SAXO1: variants seen among roughly 807,000 people sequenced by gnomAD.
SAXO1 encodes 4930500O09Rik.
SAXO1 carries 21 observed loss-of-function variants against 17.5 expected under a neutral mutation model. The observed-to-expected ratio is 1.20, with a 90% CI of 0.85 to 1.72. SAXO1 has a LOEUF of 1.72. SAXO1 is among the 40% of genes most tolerant of loss of function. SAXO1 has a pLI of 0.00. For missense variants in SAXO1, 843 were observed against 596.0 expected, an observed-to-expected ratio of 1.41 and a Z score of -4.32; for synonymous variants, 274 against 216.5, an observed-to-expected ratio of 1.27 and a Z score of -2.33.
intron 3 of SAXO1, among the ~76,000 whole-genome samples, chr9:18,931,355 C>A (rs900034869): frequency 8.5e-5 from 13 of 152,090 alleles, no homozygotes; most frequent in African/African-American, 3.1e-4. Context: ...AGTAGTTCAC[C>A]TTTTTATTGT....
At chr9:18,989,723 C>G (rs755049236) in intron 1 of SAXO1, among the ~76,000 whole-genome samples, 1 of 152,142 alleles carries the variant, frequency 6.6e-6, no homozygotes, top group Non-Finnish European at 1.5e-5. Context: ...GAAATAAAGT[C>G]TTTAATCTGA....
rs769355752 is a variant in SAXO1, at chr9:18,928,266, C to G, written c.1211G>C (p.Ser404Thr). The change falls in exon 4 of 4, where the codon AGC becomes ACC. Residue 404 changes from serine (S) to threonine (T), a missense_variant. Coordinates refer to ENST00000380534, the MANE Select transcript of SAXO1 (RefSeq NM_153707.4). ...AAAGCTGATGGTGTAGGTGGTCTGG[C>G]TTTCCACAGGGACATTTCCTCGAGG... The part of the protein sequence containing the change: ...SGPRGNVPVE[S>T]QTTYTISFTP... 2.5e-6 allele frequency: 4 copies of G among 1,612,988 alleles called. No homozygotes were observed. In the South Asian group the frequency reaches 4.4e-5, roughly 18 times the overall value.
At chr9:19,042,620 T>C (rs1413260813) in intron 1 of SAXO1, among the ~76,000 whole-genome samples, 1 of 152,066 alleles carries the variant, frequency 6.6e-6, no homozygotes, top group Non-Finnish European at 1.5e-5. Flanking sequence ...CCCAGCACTT[T>C]GGGAGGCCAA....
rs990708643 is a variant in SAXO1 at position 18,960,086 on chromosome 9, T to A, written c.39-9149A>T. ...AGCAAACGATATGTTCAGCGGCTAC[T>A]GGAGAGCACCTCATGGGCTCTTCCG... On this transcript the variant is annotated intron_variant, in intron 1 of 3. Coordinates refer to ENST00000380534, the MANE Select transcript of SAXO1 (RefSeq NM_153707.4). Among the ~76,000 whole-genome samples the A allele has an allele frequency of 8.8e-4, 134 of 152,220 alleles. 1 individual carries two copies. Among genetic ancestry groups the A allele is most frequent in the Non-Finnish European group, 1.6e-3 (110 of 68,030 alleles).
At chr9:19,000,448 C>T (rs1379415501) in intron 1 of SAXO1, among the ~76,000 whole-genome samples, 1 of 151,958 alleles carries the variant, frequency 6.6e-6, no homozygotes, top group East Asian at 1.9e-4. Context: ...TCTGCCAGGC[C>T]GCCCCACCGT....
At chr9:18,980,817 G>C (rs886379030) in intron 1 of SAXO1, among the ~76,000 whole-genome samples, 2 of 127,672 alleles carry the variant, frequency 1.6e-5, no homozygotes, top group Admixed American at 7.7e-5. Flanking sequence ...AAGCACAGAA[G>C]GGTATAAGGA....
intron 1 of SAXO1, among the ~76,000 whole-genome samples, chr9:19,040,813 G>A (rs1836061821): frequency 6.6e-6 from 1 of 152,092 alleles, no homozygotes; most frequent in Admixed American, 6.6e-5. Flanking sequence ...AATACAAACA[G>A]GGAGAAGGGA....
chr9:18,982,207 A>G (rs886224333), intron 1 of SAXO1, among the ~76,000 whole-genome samples: 3 of 152,342 alleles, frequency 2.0e-5, no homozygotes, highest in African/African-American at 7.2e-5. Flanking sequence ...ATGAAGATAC[A>G]GTTGCCCCCA....
In SAXO1 at chr9:18,988,667, T is replaced by C. The variant is rs377318755; in HGVS notation, c.39-37730A>G. 5.3e-5 allele frequency among the ~76,000 whole-genome samples: 8 copies of C among 152,198 alleles called. No homozygotes were observed. The East Asian group carries it at 1.3e-3, about 26-fold the overall frequency. ...AATGTATGCACTATATGCATGCCCATTGTATGTAACAACGAGTATAATGCT... is the reference window on the plus strand; with the variant it reads ...AATGTATGCACTATATGCATGCCCACTGTATGTAACAACGAGTATAATGCT... On this transcript the variant is annotated intron_variant, in intron 1 of 3. Coordinates refer to ENST00000380534, the MANE Select transcript of SAXO1 (RefSeq NM_153707.4).
chr9:19,039,811 C>A (rs1041743248), intron 1 of SAXO1, among the ~76,000 whole-genome samples: 2 of 152,162 alleles, frequency 1.3e-5, no homozygotes, highest in African/African-American at 4.8e-5. Flanking sequence ...TCACTGCAAC[C>A]TCCGCCTCCC....
chr9:19,013,834 G>A lies in SAXO1; in HGVS notation c.38+19037C>T, dbSNP rs115092781. Among the ~76,000 whole-genome samples the A allele has an allele frequency of 6.5e-3, 993 of 152,028 alleles. 8 individuals carry two copies. The highest frequency in any genetic ancestry group is 0.023 in the African/African-American group (934 of 41,458). ...AGTGTTAGGATTACAGGTGTGAGGC[G>A]CCACGCCCAGCCCAGATATTTAAAA... is the stretch of plus-strand genomic sequence containing the variant. On this transcript the variant is annotated intron_variant, in intron 1 of 3. Transcript: ENST00000380534.
At chr9:18,996,092 A>AG (rs397781845) in intron 1 of SAXO1, among the ~76,000 whole-genome samples, 1 of 150,634 alleles carries the variant, frequency 6.6e-6, no homozygotes, top group African/African-American at 2.4e-5. Context: ...AAAAAAAAAA[A>AG]GAAAAGAAAG....
chr9:18,933,165 A>AT (rs34445186), intron 3 of SAXO1, among the ~76,000 whole-genome samples: 18,512 of 152,132 alleles, frequency 0.12, 1,434 homozygotes, highest in East Asian at 0.26. Flanking sequence ...AGAAGTACAG[A>AT]TTTTTTTTGT....
Position 18,953,233 on chromosome 9 carries a change from G to C in SAXO1, c.39-2296C>G, listed in dbSNP as rs543666425. The stretch of plus-strand genomic sequence containing the variant: ...GTTTCAGGCACTTATAATAAAATGG[G>C]CTCCACAGGCAGAGTGATTACTTTC... On this transcript the variant is annotated intron_variant, in intron 1 of 3. Transcript: ENST00000380534. 6.5e-4 allele frequency among the ~76,000 whole-genome samples: 99 copies of C among 152,272 alleles called. 1 individual carries two copies. The highest frequency in any genetic ancestry group is 2.3e-3 in the African/African-American group (95 of 41,570).
intron 1 of SAXO1, among the ~76,000 whole-genome samples, chr9:18,956,260 T>C (rs776248653): frequency 1.3e-5 from 2 of 151,966 alleles, no homozygotes; most frequent in South Asian, 2.1e-4. Context: ...TCAACTTTCA[T>C]GTTAAGAATT....
intron 1 of SAXO1, among the ~76,000 whole-genome samples, chr9:19,025,208 C>G (rs56903563): frequency 0.088 from 13,320 of 152,038 alleles, 796 homozygotes; most frequent in African/African-American, 0.18. Flanking sequence ...TTCTTGGCAT[C>G]TCTATCTGGA....
intron 1 of SAXO1, among the ~76,000 whole-genome samples, chr9:18,994,805 C>A (rs1387284323): frequency 6.6e-6 from 1 of 152,164 alleles, no homozygotes; most frequent in Non-Finnish European, 1.5e-5. Context: ...CCACACTAAC[C>A]CCCAGGATGC....
chr9:19,042,905 T>C (rs1342727352), intron 1 of SAXO1, among the ~76,000 whole-genome samples: 1 of 152,000 alleles, frequency 6.6e-6, no homozygotes, highest in African/African-American at 2.4e-5. Flanking sequence ...GGTGCAGTGG[T>C]TGATGCCTAT....
chr9:19,014,269 T>G (rs1314395469), intron 1 of SAXO1, among the ~76,000 whole-genome samples: 1 of 151,874 alleles, frequency 6.6e-6, no homozygotes, highest in Non-Finnish European at 1.5e-5. Flanking sequence ...AAGACCAGCC[T>G]GGCCAACGTG....
Sources: gnomAD v4.1 joint callset for allele counts (sites outside exome capture counted in the v4.1 genomes callset) on GRCh38, gnomAD v4.1.1 for gene constraint, MANE v1.5 for transcripts, NCBI Gene and HGNC (gene_info 2026-07-23, HGNC 2026-07-21) for gene names.